The following RALGPS1 variants were observed in gnomAD, a reference collection of about 807,000 sequenced individuals.
RALGPS1 encodes Ral GEF with PH domain and SH3 binding motif 1, also known as ras-specific guanine nucleotide-releasing factor RalGPS1.
RALGPS1 carries 19 observed loss-of-function variants against 78.8 expected under a neutral mutation model. The ratio of observed to expected loss-of-function variants is 0.24; its 90% CI spans 0.17 to 0.35. RALGPS1 has a LOEUF of 0.35. RALGPS1 is among the 10% of genes least tolerant of loss of function. The pLI, the probability that RALGPS1 is intolerant of heterozygous loss-of-function variation, is 1.00. For missense variants in RALGPS1, 454 were observed against 688.3 expected (o/e 0.66, Z 3.81); for synonymous variants, 228 against 256.3 (o/e 0.89, Z 1.06).
chr9:127,059,830 C>T (rs769409763), intron 7 of RALGPS1, among the ~76,000 whole-genome samples: 8 of 152,100 alleles, frequency 5.3e-5, no homozygotes, highest in Admixed American at 5.2e-4. Context: ...TGCCAGAAGA[C>T]TCTCTTAACA....
intron 3 of RALGPS1, among the ~76,000 whole-genome samples, chr9:126,971,833 T>C (rs887798441): frequency 6.6e-6 from 1 of 152,170 alleles, no homozygotes; most frequent in Admixed American, 6.5e-5. Flanking sequence ...AGTATGACTA[T>C]AGGATAAAGT....
intron 8 of RALGPS1, among the ~76,000 whole-genome samples, chr9:127,163,614 T>C (rs1214570680): frequency 6.6e-6 from 1 of 152,198 alleles, no homozygotes; most frequent in African/African-American, 2.4e-5. Flanking sequence ...TCCACTGTAA[T>C]GGCAGGAAGT....
intron 1 of RALGPS1, among the ~76,000 whole-genome samples, chr9:126,957,236 G>T (rs1316843863): frequency 6.6e-6 from 1 of 152,238 alleles, no homozygotes. Flanking sequence ...TGGGCAGAGG[G>T]TGTGCGCCGA....
rs556176909 is a variant in RALGPS1 at position 127,182,012 on chromosome 9, C to T, written c.910+7230C>T. Among the ~76,000 whole-genome samples, 4 of 151,962 alleles carry T rather than the reference C, an allele frequency of 2.6e-5. No individual in the cohort carries two copies. In the South Asian group the frequency reaches 6.3e-4, roughly 24 times the overall value. On this transcript the variant is annotated intron_variant, in intron 11 of 18. Coordinates refer to ENST00000259351, the MANE Select transcript of RALGPS1 (RefSeq NM_014636.3). ...CGCCCATCCATTCTGAAAATATAAA[C>T]GGGCAGCGAGAGTATGTTTCCCCTG... is the stretch of plus-strand genomic sequence containing the variant.
chr9:127,037,162 A>T (rs2046931491), intron 5 of RALGPS1, among the ~76,000 whole-genome samples: 1 of 152,244 alleles, frequency 6.6e-6, no homozygotes, highest in Admixed American at 6.5e-5. Flanking sequence ...CTTAGTAAAC[A>T]TTCCATGTAA....
intron 8 of RALGPS1, among the ~76,000 whole-genome samples, chr9:127,135,828 G>A (rs2057357663): frequency 6.6e-6 from 1 of 152,236 alleles, no homozygotes; most frequent in Non-Finnish European, 1.5e-5. Flanking sequence ...GAAGGGGCAT[G>A]CAAGGAGAAC....
intron 4 of RALGPS1, among the ~76,000 whole-genome samples, chr9:127,017,585 TAATA>T (rs1417372386): frequency 6.6e-6 from 1 of 152,202 alleles, no homozygotes; most frequent in Non-Finnish European, 1.5e-5. Flanking sequence ...TTTTCTTCAA[TAATA>T]AATTAACCTT....
chr9:127,185,316 C>T (rs1006430744), intron 11 of RALGPS1, among the ~76,000 whole-genome samples: 2 of 152,222 alleles, frequency 1.3e-5, no homozygotes, highest in Non-Finnish European at 2.9e-5. Flanking sequence ...TCTGTCAACC[C>T]GAGTCTGTGC....
At chr9:127,182,489 A>T (rs1210535652) in intron 11 of RALGPS1, among the ~76,000 whole-genome samples, 1 of 141,430 alleles carries the variant, frequency 7.1e-6, no homozygotes. Flanking sequence ...GAGTGCAGTG[A>T]TGTGATCTCG....
intron 4 of RALGPS1, among the ~76,000 whole-genome samples, chr9:126,999,658 C>T (rs1001566761): frequency 6.6e-6 from 1 of 152,118 alleles, no homozygotes; most frequent in African/African-American, 2.4e-5. Context: ...GGCTTGATAG[C>T]TCATTTCTTT....
intron 1 of RALGPS1, 71 bp downstream of exon 1, chr9:126,915,046 G>T: frequency 6.8e-6 from 1 of 148,050 alleles, no homozygotes; most frequent in South Asian, 1.8e-4. Context: ...GGGGCGGGGC[G>T]GGGCGGGCCC....
intron 8 of RALGPS1, among the ~76,000 whole-genome samples, chr9:127,117,812 G>A (rs1213648008): frequency 6.6e-6 from 1 of 152,220 alleles, no homozygotes; most frequent in Non-Finnish European, 1.5e-5. Context: ...GGTTGGAGTG[G>A]GACCACCTCA....
chr9:126,982,419 G>A (rs1664053194), intron 4 of RALGPS1, among the ~76,000 whole-genome samples: 1 of 152,166 alleles, frequency 6.6e-6, no homozygotes, highest in South Asian at 2.1e-4. Flanking sequence ...GTGATAGGAA[G>A]AGTACCTCCG....
intron 1 of RALGPS1, among the ~76,000 whole-genome samples, chr9:126,929,513 G>A (rs1292602550): frequency 1.6e-4 from 25 of 152,110 alleles, no homozygotes; most frequent in African/African-American, 5.1e-4. Context: ...GTGCAGTGGC[G>A]TGATCTTAGC....
At chr9:126,971,366 A>ATT (rs3052974) in intron 3 of RALGPS1, among the ~76,000 whole-genome samples, 25,873 of 148,696 alleles carry the variant, frequency 0.17, 2,922 homozygotes, top group East Asian at 0.44. Flanking sequence ...CTAAAGACAT[A>ATT]TTTTTTTTTT....
intron 8 of RALGPS1, among the ~76,000 whole-genome samples, chr9:127,124,767 A>G (rs1402854862): frequency 2.0e-5 from 3 of 152,200 alleles, no homozygotes; most frequent in Admixed American, 6.5e-5. Flanking sequence ...TGAGCAAGAC[A>G]GTGTTGAGAC....
intron 4 of RALGPS1, among the ~76,000 whole-genome samples, chr9:126,994,738 C>G (rs2042583156): frequency 6.6e-6 from 1 of 151,962 alleles, no homozygotes; most frequent in Admixed American, 6.6e-5. Context: ...TCAGATTCAC[C>G]AAAGTTGAAA....
intron 8 of RALGPS1, among the ~76,000 whole-genome samples, chr9:127,137,802 C>T (rs2057502970): frequency 1.3e-5 from 2 of 152,166 alleles, no homozygotes; most frequent in Admixed American, 6.5e-5. Context: ...CTGGTGGGGG[C>T]ATGTGTTGAG....
chr9:127,168,954 C>T (rs2059427272), intron 10 of RALGPS1, among the ~76,000 whole-genome samples, 182 bp downstream of exon 10: 1 of 152,236 alleles, frequency 6.6e-6, no homozygotes, highest in African/African-American at 2.4e-5. Context: ...GCAGTGTGAT[C>T]TTTGACCTCA....
Sources: allele counts gnomAD v4.1 joint callset (sites outside exome capture counted in the v4.1 genomes callset), GRCh38; gene constraint gnomAD v4.1.1; transcripts MANE v1.5; gene names NCBI Gene and HGNC (gene_info 2026-07-23, HGNC 2026-07-21).